EYA4: variants seen among roughly 807,000 people sequenced by gnomAD.
EYA4 encodes the protein EYA transcriptional coactivator and phosphatase 4, also known as protein phosphatase EYA4.
EYA4 carries 31 observed loss-of-function variants against 87.9 expected under a neutral mutation model. The observed-to-expected ratio is 0.35, with a 90% CI of 0.27 to 0.48. The LOEUF is 0.48. Ranked by LOEUF, EYA4 falls within the 20% of genes least tolerant of loss-of-function variation. The probability of loss-of-function intolerance (pLI) is 0.99; values close to 1 mark genes in which losing one functional copy is unlikely to be tolerated. For synonymous variants in EYA4, 263 were observed against 270.6 expected (o/e 0.97, Z 0.28); for missense variants, 678 against 761.4 (o/e 0.89, Z 1.29).
At position 133,430,212 on chromosome 6, in the gene EYA4, T is replaced by C. The variant is rs777413392; in HGVS notation, c.84-16418T>C. Among the ~76,000 whole-genome samples the C allele has an allele frequency of 5.1e-4, 77 of 152,342 alleles. 1 individual carries two copies. The highest frequency in any genetic ancestry group is 9.9e-4 in the African/African-American group (41 of 41,580). ...GGAATACTATGCAGCCAAAACATAA[T>C]GGAATCATGTCCTTTTCAGAAATAT... On this transcript the variant is annotated intron_variant, in intron 3 of 19. Transcript: ENST00000355286.
At chr6:133,453,962 C>G (rs1047833635) in intron 5 of EYA4, among the ~76,000 whole-genome samples, 2 of 152,062 alleles carry the variant, frequency 1.3e-5, no homozygotes, top group Middle Eastern at 3.2e-3. Context: ...AAAACTCACT[C>G]TCTCCTTCTT....
chr6:133,464,877 T>G lies in EYA4; in HGVS notation c.804+19T>G. On this transcript the variant is annotated intron_variant, in intron 10 of 19. Coordinates refer to ENST00000355286, the MANE Select transcript of EYA4 (RefSeq NM_004100.5). ...ACAACAGGTATAGTAGCTTTTTGTGTTTATGCTTTTTATATGTATTTCAGA... is the reference window on the plus strand; with the variant it reads ...ACAACAGGTATAGTAGCTTTTTGTGGTTATGCTTTTTATATGTATTTCAGA... The G allele has an allele frequency of 6.6e-7, 1 of 1,520,398 alleles. No homozygotes were observed. Among genetic ancestry groups the G allele is most frequent in the Non-Finnish European group, 9.1e-7 (1 of 1,096,368 alleles). 94.2% of individuals were successfully genotyped at this position (1,520,398 alleles called of 1,614,324 possible).
chr6:133,515,397 A>T lies in EYA4; in HGVS notation c.1578A>T (p.Leu526=), dbSNP rs779746246. 4 of 1,612,286 alleles carry T rather than the reference A, an allele frequency of 2.5e-6. No individual in the cohort carries two copies. The highest frequency in any genetic ancestry group is 1.3e-5 in the African/African-American group (1 of 75,038). The part of the protein sequence containing the change: ...AEIEGLTDSW[L]TNALKSLSII... The stretch of plus-strand genomic sequence containing the variant: ...TTGAAGGTCTGACAGATTCCTGGCT[A>T]ACAAATGCACTTAAGTCTTTATCAA... Residue 526 remains leucine, a synonymous_variant, in exon 17 of 20, where the codon CTA becomes CTT. Transcript: ENST00000355286.
Position 133,529,334 on chromosome 6 carries a change from G to C in EYA4, c.*529G>C. On this transcript the variant is annotated 3_prime_UTR_variant, in exon 20 of 20. Transcript: ENST00000355286. ...ATTTACTGTGACTTTATTAGCAGCT[G>C]ACTTTCAAAGTGGATGCAATTTTTC... The C allele has an allele frequency of 1.0e-6, 1 of 993,148 alleles. No individual in the cohort carries two copies. The highest frequency in any genetic ancestry group is 1.2e-6 in the Non-Finnish European group (1 of 833,604). 61.5% of individuals were successfully genotyped at this position (993,148 alleles called of 1,614,324 possible).
chr6:133,426,912 A>G (rs530270137), intron 3 of EYA4, among the ~76,000 whole-genome samples: 2 of 152,286 alleles, frequency 1.3e-5, no homozygotes, highest in East Asian at 1.9e-4. Flanking sequence ...AACTATAGCA[A>G]TTTGCTATTC....
intron 13 of EYA4, among the ~76,000 whole-genome samples, chr6:133,491,350 A>G (rs1262582509): frequency 6.6e-6 from 1 of 152,192 alleles, no homozygotes; most frequent in Non-Finnish European, 1.5e-5. Flanking sequence ...AAAATACAAA[A>G]GATCAACAAA....
intron 3 of EYA4, among the ~76,000 whole-genome samples, chr6:133,428,821 A>G (rs1427180191): frequency 6.6e-6 from 1 of 150,968 alleles, no homozygotes; most frequent in Non-Finnish European, 1.5e-5. Context: ...CATTGGCACA[A>G]ATTTGGTAAA....
At chr6:133,515,522 G>A in intron 17 of EYA4, 87 bp downstream of exon 17, 1 of 861,084 alleles carries the variant, frequency 1.2e-6, no homozygotes, top group Non-Finnish European at 2.0e-6. Flanking sequence ...TTAATTCCTA[G>A]ACTGTTTTAG....
chr6:133,282,453 A>G (rs993494879), intron 2 of EYA4, among the ~76,000 whole-genome samples: 1 of 152,034 alleles, frequency 6.6e-6, no homozygotes, highest in African/African-American at 2.4e-5. Flanking sequence ...CTGAATTTTT[A>G]TATTTTTGTG....
At chr6:133,274,687 T>C (rs1582817151) in intron 1 of EYA4, 29 bp from the exon 2 acceptor site, 7 of 1,007,834 alleles carry the variant, frequency 6.9e-6, no homozygotes, top group South Asian at 2.6e-5. Context: ...ATAACATTTT[T>C]CCCCTTTGTT....
At chr6:133,409,344 G>A (rs558097134) in intron 3 of EYA4, among the ~76,000 whole-genome samples, 1 of 152,224 alleles carries the variant, frequency 6.6e-6, no homozygotes. Context: ...AAAAAAAGAA[G>A]TGTTATTCAG....
At chr6:133,500,533 G>GGGA (rs1798024986) in intron 13 of EYA4, among the ~76,000 whole-genome samples, 1 of 152,072 alleles carries the variant, frequency 6.6e-6, no homozygotes, top group Non-Finnish European at 1.5e-5. Context: ...AAGAGCTGAA[G>GGGA]GGAGAGCAAG....
chr6:133,253,156 G>C (rs888508857), intron 1 of EYA4, among the ~76,000 whole-genome samples: 6 of 152,082 alleles, frequency 3.9e-5, no homozygotes, highest in African/African-American at 1.4e-4. Context: ...GAGATAAAGT[G>C]GGTGCTGGGC....
intron 2 of EYA4, among the ~76,000 whole-genome samples, chr6:133,306,855 T>A (rs1779848600): frequency 6.6e-6 from 1 of 152,160 alleles, no homozygotes; most frequent in Non-Finnish European, 1.5e-5. Flanking sequence ...TTAAAAAAAA[T>A]AAGTATCACA....
At position 133,485,515 on chromosome 6, in the gene EYA4, C is replaced by T. The variant is rs555286461; in HGVS notation, c.1191+2400C>T. ...AACCAGTCAGTGGCAGAGACGAGTCCTGGGGCCCCAGATTCTTTGACCCTG... is the reference window on the plus strand; with the variant it reads ...AACCAGTCAGTGGCAGAGACGAGTCTTGGGGCCCCAGATTCTTTGACCCTG... On this transcript the variant is annotated intron_variant, in intron 13 of 19. Coordinates refer to ENST00000355286, the MANE Select transcript of EYA4 (RefSeq NM_004100.5). 3.9e-5 allele frequency among the ~76,000 whole-genome samples: 6 copies of T among 152,294 alleles called. No individual in the cohort carries two copies. In the South Asian group the frequency reaches 1.2e-3, roughly 32 times the overall value.
intron 2 of EYA4, among the ~76,000 whole-genome samples, chr6:133,365,087 A>G (rs1443053638): frequency 6.6e-6 from 1 of 152,182 alleles, no homozygotes; most frequent in East Asian, 1.9e-4. Context: ...GCTGGGTGGC[A>G]GCCTGGTCAA....
intron 3 of EYA4, among the ~76,000 whole-genome samples, chr6:133,421,411 A>G (rs1393773513): frequency 1.3e-5 from 2 of 152,222 alleles, no homozygotes; most frequent in Non-Finnish European, 2.9e-5. Flanking sequence ...TTGGGATAAG[A>G]TTTAATATAC....
Position 133,515,318 on chromosome 6 carries a change from C to T in EYA4, c.1502-3C>T. On this transcript the variant is annotated splice_region_variant and splice_polypyrimidine_tract_variant and intron_variant, in intron 16 of 19. Transcript: ENST00000355286. ...ACTCTGCCTTGGTTTTTTGGTGTTG[C>T]AGGACTCCTTGGCCCTGCCAAGAGG... The T allele has an allele frequency of 7.7e-6, 12 of 1,557,688 alleles. No individual in the cohort carries two copies. Among genetic ancestry groups the T allele is most frequent in the Non-Finnish European group, 1.1e-5 (12 of 1,128,460 alleles).
At chr6:133,307,547 T>G (rs1035517666) in intron 2 of EYA4, among the ~76,000 whole-genome samples, 49 of 152,320 alleles carry the variant, frequency 3.2e-4, no homozygotes, top group African/African-American at 1.1e-3. Flanking sequence ...GCCTTAATAC[T>G]AATCTGGCAT....
Sources: gnomAD v4.1 joint callset for allele counts (sites outside exome capture counted in the v4.1 genomes callset) on GRCh38, gnomAD v4.1.1 for gene constraint, MANE v1.5 for transcripts, NCBI Gene and HGNC (gene_info 2026-07-23, HGNC 2026-07-21) for gene names.